ATP6V1D: variants seen among roughly 807,000 people sequenced by gnomAD.
The protein encoded by ATP6V1D is ATPase H+ transporting V1 subunit D, also known as V-type proton ATPase subunit D.
ATP6V1D carries 20 observed loss-of-function variants against 39.4 expected under a neutral mutation model. That is an observed-to-expected ratio of 0.51 (90% CI 0.36 to 0.74). The LOEUF is 0.74. Ranked by LOEUF, ATP6V1D falls within the 30% of genes least tolerant of loss-of-function variation. The probability of loss-of-function intolerance (pLI) is 0.00; values close to 1 mark genes in which losing one functional copy is unlikely to be tolerated. For missense variants in ATP6V1D, 228 were observed against 291.6 expected (o/e 0.78, Z 1.59); for synonymous variants, 100 against 100.5 (o/e 0.99, Z 0.03).
intron 8 of ATP6V1D, 187 bp downstream of exon 8, chr14:67,340,253 G>C (rs1054669404): frequency 5.5e-6 from 3 of 544,952 alleles, no homozygotes; most frequent in Non-Finnish European, 9.7e-6. Context: ...CATGTTATAG[G>C]TACATGTAAA....
intron 1 of ATP6V1D, among the ~76,000 whole-genome samples, chr14:67,355,238 A>G (rs2085677676): frequency 6.6e-6 from 1 of 151,990 alleles, no homozygotes; most frequent in Non-Finnish European, 1.5e-5. Context: ...CTAGGTAACA[A>G]ATGACATACG....
At chr14:67,350,074 A>G (rs2085646065) in intron 3 of ATP6V1D, among the ~76,000 whole-genome samples, 1 of 152,238 alleles carries the variant, frequency 6.6e-6, no homozygotes, top group Non-Finnish European at 1.5e-5. Context: ...ATTACATAAC[A>G]TATGTAAATT....
chr14:67,342,011 C>T (rs1694039652), intron 7 of ATP6V1D, among the ~76,000 whole-genome samples: 1 of 151,524 alleles, frequency 6.6e-6, no homozygotes, highest in South Asian at 2.1e-4. Flanking sequence ...GTCATCACCA[C>T]TCCCTAATCT....
chr14:67,355,063 C>T (rs138410595), intron 1 of ATP6V1D, among the ~76,000 whole-genome samples: 7 of 152,212 alleles, frequency 4.6e-5, no homozygotes, highest in Admixed American at 3.3e-4. Context: ...CCGCCCACCT[C>T]GGCCTCACAA....
chr14:67,355,910 G>T (rs1443032182), intron 1 of ATP6V1D, among the ~76,000 whole-genome samples: 1 of 152,040 alleles, frequency 6.6e-6, no homozygotes, highest in African/African-American at 2.4e-5. Flanking sequence ...TAAGGTGAGA[G>T]GACTGATTGA....
chr14:67,344,182 T>G (rs574658279), intron 6 of ATP6V1D, among the ~76,000 whole-genome samples: 1 of 152,346 alleles, frequency 6.6e-6, no homozygotes, highest in Non-Finnish European at 1.5e-5. Flanking sequence ...CCAATGATTG[T>G]GACCTCTGTA....
Position 67,352,733 on chromosome 14 carries a change from C to A in ATP6V1D, c.159+190G>T. The A allele has an allele frequency of 6.0e-6, 3 of 500,474 alleles. No homozygotes were observed. The South Asian group carries it at 8.6e-5, about 14-fold the overall frequency. The allele number at this position is 500,474 out of a possible 1,614,324, so 31.0% of individuals were successfully genotyped here. A position where few individuals can be genotyped will look rare whatever the true frequency, so the allele number is the denominator to read the frequency against. ...GCCAATCAGATCAAGTGGAGCTTTGCAGGCAAGATTAAAGAGTTTGGATTT... is the reference window on the plus strand; with the variant it reads ...GCCAATCAGATCAAGTGGAGCTTTGAAGGCAAGATTAAAGAGTTTGGATTT... On this transcript the variant is annotated intron_variant, in intron 2 of 8. Coordinates refer to ENST00000216442, the MANE Select transcript of ATP6V1D (RefSeq NM_015994.4).
intron 8 of ATP6V1D, chr14:67,340,032 CAA>C (rs34358102): frequency 1.6e-3 from 118 of 71,746 alleles, no homozygotes; most frequent in South Asian, 4.2e-3. Flanking sequence ...CTCTGTCTCA[CAA>C]AAAAAAAAAA....
At chr14:67,347,496 T>TTA in intron 4 of ATP6V1D, 43 bp from the exon 5 acceptor site, 3 of 1,425,058 alleles carry the variant, frequency 2.1e-6, no homozygotes, top group Non-Finnish European at 2.8e-6. Context: ...AACCTTTAAG[T>TTA]TCTCTCTTTT....
chr14:67,356,439 A>C (rs972471117), intron 1 of ATP6V1D, among the ~76,000 whole-genome samples: 2 of 143,316 alleles, frequency 1.4e-5, no homozygotes, highest in African/African-American at 5.6e-5. Context: ...AAAAACAAAA[A>C]AAAAAAAACA....
At chr14:67,343,530 CATTTG>C in intron 6 of ATP6V1D, 92 bp from the exon 7 acceptor site, 2 of 900,024 alleles carry the variant, frequency 2.2e-6, no homozygotes, top group Non-Finnish European at 3.5e-6. Context: ...TTGTAGAAAA[CATTTG>C]AGAACCAAGA....
intron 1 of ATP6V1D, among the ~76,000 whole-genome samples, chr14:67,357,064 C>T (rs761096119): frequency 1.3e-5 from 2 of 152,188 alleles, no homozygotes; most frequent in Non-Finnish European, 2.9e-5. Context: ...ACTCTAAGAG[C>T]AGCGTGCACA....
chr14:67,340,751 C>T (rs1043854868), intron 7 of ATP6V1D, among the ~76,000 whole-genome samples: 4 of 152,198 alleles, frequency 2.6e-5, no homozygotes, highest in African/African-American at 9.6e-5. Flanking sequence ...CTGCTGCCAT[C>T]TCAGCTCACT....
Position 67,359,682 on chromosome 14 carries a change from C to G in ATP6V1D, c.17G>C (p.Arg6Pro). ...CATTCGCGAGGGAAAGATTTCAATT[C>G]GGTCTTTGCCCGACATTCTGACGAT... is the stretch of plus-strand genomic sequence containing the variant. Reference protein sequence around the residue: MSGKDRIEIFPSRMAQ... With the variant: MSGKDPIEIFPSRMAQ... The change falls in exon 1 of 9, where the codon CGA becomes CCA. Residue 6 changes from arginine to proline, a missense_variant. By Grantham distance (103) the Arg-to-Pro change is moderately radical. Transcript: ENST00000216442. The G allele has an allele frequency of 1.2e-6, 2 of 1,614,080 alleles. No individual in the cohort carries two copies. Among genetic ancestry groups the G allele is most frequent in the Non-Finnish European group, 1.7e-6 (2 of 1,180,024 alleles).
In ATP6V1D at chr14:67,353,491, G is replaced by T. The variant is rs2085668474; in HGVS notation, c.42-451C>A. ...TAGCAAGACTCCTTTTGTTGTTGTT[G>T]TTGTTGTTGTTTTTGAGATGGAGTC... is the stretch of plus-strand genomic sequence containing the variant. On this transcript the variant is annotated intron_variant, in intron 1 of 8. Coordinates refer to ENST00000216442, the MANE Select transcript of ATP6V1D (RefSeq NM_015994.4). Among the ~76,000 whole-genome samples the T allele has an allele frequency of 2.0e-5, 3 of 151,966 alleles. No homozygotes were observed. In the South Asian group the frequency reaches 6.2e-4, roughly 32 times the overall value.
chr14:67,344,788 G>A (rs1268575097), intron 6 of ATP6V1D, among the ~76,000 whole-genome samples: 1 of 151,670 alleles, frequency 6.6e-6, no homozygotes, highest in African/African-American at 2.4e-5. Flanking sequence ...AGGCTGAGGC[G>A]GGAGACTGCT....
Position 67,344,021 on chromosome 14 carries a change from G to A in ATP6V1D, c.457-583C>T, listed in dbSNP as rs115402797. 6.9e-3 allele frequency among the ~76,000 whole-genome samples: 1,043 copies of A among 152,258 alleles called. 18 individuals are homozygous for A. The highest frequency in any genetic ancestry group is 0.024 in the African/African-American group (1,006 of 41,538). On this transcript the variant is annotated intron_variant, in intron 6 of 8. Coordinates refer to ENST00000216442, the MANE Select transcript of ATP6V1D (RefSeq NM_015994.4). ...TGGTTTACATCCTGTCCCTGAGTAAGGAAATCTTAAGTTTCTCAGACTGCT... is the reference window on the plus strand; with the variant it reads ...TGGTTTACATCCTGTCCCTGAGTAAAGAAATCTTAAGTTTCTCAGACTGCT...
chr14:67,359,576 C>T (rs1370043743), intron 1 of ATP6V1D, 82 bp downstream of exon 1: 1 of 1,496,882 alleles, frequency 6.7e-7, no homozygotes, highest in African/African-American at 1.4e-5. Context: ...AACAAGGACC[C>T]TCACTGTGGC....
At chr14:67,349,474 GTTCAA>G (rs1469088469) in intron 3 of ATP6V1D, among the ~76,000 whole-genome samples, 1 of 152,166 alleles carries the variant, frequency 6.6e-6, no homozygotes, top group Non-Finnish European at 1.5e-5. Context: ...TTAAGCTGGC[GTTCAA>G]TTCCTTTACC....
Sources: gnomAD v4.1 joint callset for allele counts (sites outside exome capture counted in the v4.1 genomes callset) on GRCh38, gnomAD v4.1.1 for gene constraint, MANE v1.5 for transcripts, NCBI Gene and HGNC (gene_info 2026-07-23, HGNC 2026-07-21) for gene names.